Variants in DDAH1 observed in about 807,000 individuals in gnomAD.
The protein encoded by DDAH1 is dimethylarginine dimethylaminohydrolase 1.
A neutral mutation model predicts 28.8 loss-of-function variants in DDAH1; 19 were observed. The observed-to-expected ratio is 0.66, with a 90% CI of 0.46 to 0.97. The LOEUF is 0.97. Ranked by LOEUF, DDAH1 falls within the 50% of genes least tolerant of loss-of-function variation. The pLI is 0.00. For missense variants in DDAH1, 326 were observed against 375.9 expected, an observed-to-expected ratio of 0.87 and a Z score of 1.10; for synonymous variants, 153 against 154.4, an observed-to-expected ratio of 0.99 and a Z score of 0.07.
At chr1:85,506,119 G>A (rs1657008482) in intron 1 of DDAH1, among the ~76,000 whole-genome samples, 1 of 152,224 alleles carries the variant, frequency 6.6e-6, no homozygotes, top group Non-Finnish European at 1.5e-5. Context: ...AAGGAAGGTT[G>A]TAAAAATGAA....
chr1:85,573,491 C>A (rs535286167), intron 1 of DDAH1, among the ~76,000 whole-genome samples: 1 of 152,122 alleles, frequency 6.6e-6, no homozygotes, highest in African/African-American at 2.4e-5. Flanking sequence ...GCCTTCCAGT[C>A]CTTTCCAATA....
intron 1 of DDAH1, among the ~76,000 whole-genome samples, chr1:85,427,401 T>A (rs149057824): frequency 6.6e-6 from 1 of 152,304 alleles, no homozygotes; most frequent in Non-Finnish European, 1.5e-5. Context: ...GATCTCTAAC[T>A]GTCAAAAAGC....
intron 4 of DDAH1, among the ~76,000 whole-genome samples, chr1:85,344,743 C>T (rs1012263824): frequency 7.9e-5 from 12 of 152,004 alleles, no homozygotes; most frequent in Admixed American, 1.3e-4. Flanking sequence ...CCTCCTGTGA[C>T]GATAGCATGT....
intron 1 of DDAH1, among the ~76,000 whole-genome samples, chr1:85,441,866 A>G (rs1323472215): frequency 6.6e-6 from 1 of 152,184 alleles, no homozygotes; most frequent in East Asian, 1.9e-4. Context: ...AGAAATTCCG[A>G]AAGAATAGTT....
chr1:85,470,586 T>C (rs1443014742), intron 2 of DDAH1, among the ~76,000 whole-genome samples: 2 of 152,226 alleles, frequency 1.3e-5, no homozygotes, highest in Non-Finnish European at 2.9e-5. Flanking sequence ...ATAAAGTAAG[T>C]ACCATAAATC....
chr1:85,485,140 C>T (rs1557681783), intron 2 of DDAH1, among the ~76,000 whole-genome samples: 2 of 152,080 alleles, frequency 1.3e-5, no homozygotes, highest in Non-Finnish European at 1.5e-5. Flanking sequence ...TAATGCTGTG[C>T]GGGTGCCACA....
In DDAH1 at chr1:85,424,489, C is replaced by G. The variant is rs547927419; in HGVS notation, c.303+40254G>C. ...TATGAACTAAGGTGATATCTGTCCA[C>G]ACACTATATAAGTAAAGAAAAGAAG... On this transcript the variant is annotated intron_variant, in intron 1 of 5. Coordinates refer to ENST00000284031, the MANE Select transcript of DDAH1 (RefSeq NM_012137.4). Among the ~76,000 whole-genome samples, 195 of 152,182 alleles carry G rather than the reference C, an allele frequency of 1.3e-3. 1 individual carries two copies. The highest frequency in any genetic ancestry group is 2.6e-3 in the Admixed American group (39 of 15,288).
chr1:85,552,943 A>G lies in DDAH1; in HGVS notation c.-123+25041T>C, dbSNP rs533120665. 9.3e-4 allele frequency among the ~76,000 whole-genome samples: 142 copies of G among 152,172 alleles called. 2 individuals carry two copies. In the Middle Eastern group the frequency reaches 0.02, roughly 22 times the overall value. On this transcript the variant is annotated intron_variant, in intron 1 of 6. Coordinates refer to the DDAH1 transcript ENST00000426972. ...ATGGCCTTATGACTGCTTGAAACCA[A>G]CAGAATGTAGCAGGACTTTTGAGGC...
rs78808087 is a variant in DDAH1 at position 85,360,940 on chromosome 1, A to G, written c.304-2093T>C. On this transcript the variant is annotated intron_variant, in intron 1 of 5. Coordinates refer to ENST00000284031, the MANE Select transcript of DDAH1 (RefSeq NM_012137.4). ...AAAAAAATTCAATCACATCTATACA[A>G]ACAGTCATCAGGATAGGTCCATACC... 4.9e-4 allele frequency among the ~76,000 whole-genome samples: 74 copies of G among 152,310 alleles called. No homozygotes were observed. In the East Asian group the frequency reaches 0.014, roughly 28 times the overall value.
intron 1 of DDAH1, among the ~76,000 whole-genome samples, chr1:85,540,197 A>C (rs973753066): frequency 2.0e-5 from 3 of 152,216 alleles, no homozygotes; most frequent in African/African-American, 7.2e-5. Flanking sequence ...AAACTAAGTC[A>C]ACAATCTTTC....
intron 2 of DDAH1, among the ~76,000 whole-genome samples, chr1:85,352,955 G>A (rs969416246): frequency 6.6e-6 from 1 of 151,196 alleles, no homozygotes; most frequent in Non-Finnish European, 1.5e-5. Flanking sequence ...AAATGATCAC[G>A]TGAGGCCTGA....
At chr1:85,532,988 T>C (rs1401230600) in intron 1 of DDAH1, among the ~76,000 whole-genome samples, 11 of 152,210 alleles carry the variant, frequency 7.2e-5, no homozygotes, top group African/African-American at 2.4e-4. Flanking sequence ...ATAACTAGCA[T>C]TAAAGAAACA....
chr1:85,455,218 T>A (rs1344825954), intron 1 of DDAH1, among the ~76,000 whole-genome samples: 1 of 152,206 alleles, frequency 6.6e-6, no homozygotes, highest in African/African-American at 2.4e-5. Context: ...TAATAATCTT[T>A]CTTCCTGAAA....
Position 85,524,596 on chromosome 1 carries a change from C to T in DDAH1, c.-122-28315G>A, listed in dbSNP as rs542176279. Among the ~76,000 whole-genome samples the T allele has an allele frequency of 4.6e-5, 7 of 152,170 alleles. No individual in the cohort carries two copies. The East Asian group carries it at 1.4e-3, about 29-fold the overall frequency. On this transcript the variant is annotated intron_variant, in intron 1 of 6. Coordinates refer to the DDAH1 transcript ENST00000426972. ...TGTTGCTTTAAAATTAACAACTTCC[C>T]ATTACATCATCAAGCCTGATAATCA...
At chr1:85,409,241 C>T (rs1261627518) in intron 1 of DDAH1, among the ~76,000 whole-genome samples, 2 of 152,118 alleles carry the variant, frequency 1.3e-5, no homozygotes, top group Admixed American at 6.5e-5. Flanking sequence ...AAAGATTGGA[C>T]ACCCCTGGTC....
intron 2 of DDAH1, among the ~76,000 whole-genome samples, chr1:85,480,859 G>A (rs1308873835): frequency 6.6e-6 from 1 of 151,940 alleles, no homozygotes; most frequent in Non-Finnish European, 1.5e-5. Flanking sequence ...ATCCATACCT[G>A]TGGGATATGC....
At chr1:85,465,439 T>TGCAC (rs150767365), upstream of DDAH1, among the ~76,000 whole-genome samples, 16,089 of 152,136 alleles carry the variant, frequency 0.11, 1,063 homozygotes, top group South Asian at 0.3. Context: ...CTGTCGCAGG[T>TGCAC]GCACACCTCC....
chr1:85,515,881 C>T (rs1469329636), intron 1 of DDAH1, among the ~76,000 whole-genome samples: 1 of 152,076 alleles, frequency 6.6e-6, no homozygotes, highest in Non-Finnish European at 1.5e-5. Flanking sequence ...GTTTAAACAA[C>T]AGAAATGTGT....
intron 4 of DDAH1, 47 bp from the exon 5 acceptor site, chr1:85,324,930 T>G (rs1647278838): frequency 6.2e-7 from 1 of 1,603,000 alleles, no homozygotes; most frequent in African/African-American, 1.3e-5. Flanking sequence ...CTCCCCACAC[T>G]TTCAAACAGA....
Sources: gnomAD v4.1 joint callset for allele counts (sites outside exome capture counted in the v4.1 genomes callset) on GRCh38, gnomAD v4.1.1 for gene constraint, MANE v1.5 for transcripts, NCBI Gene and HGNC (gene_info 2026-07-23, HGNC 2026-07-21) for gene names.